The following PDE5A variants were observed in gnomAD, a reference collection of about 807,000 sequenced individuals.
PDE5A encodes cGMP-specific 3',5'-cyclic phosphodiesterase.
A neutral mutation model predicts 110.2 loss-of-function variants in PDE5A; 67 were observed. That is an observed-to-expected ratio of 0.61 (90% CI 0.50 to 0.75). PDE5A has a LOEUF of 0.75. PDE5A is among the 30% of genes least tolerant of loss of function. The pLI is 0.00. For missense variants in PDE5A, 862 were observed against 1,045.1 expected (o/e 0.82, Z 2.42); for synonymous variants, 328 against 351.2 (o/e 0.93, Z 0.74).
chr4:119,586,269 A>G (rs923808314), intron 3 of PDE5A, among the ~76,000 whole-genome samples: 3 of 152,230 alleles, frequency 2.0e-5, no homozygotes, highest in Admixed American at 6.5e-5. Flanking sequence ...AAATTTTTGT[A>G]AGATCCTCAT....
intron 3 of PDE5A, 78 bp downstream of exon 3, chr4:119,596,445 A>C (rs1729153417): frequency 2.9e-6 from 2 of 684,912 alleles, no homozygotes; most frequent in Non-Finnish European, 4.8e-6. Context: ...TTTCATATAT[A>C]TGCAAAGTAA....
At chr4:119,581,943 T>C (rs1214506391) in intron 3 of PDE5A, among the ~76,000 whole-genome samples, 7 of 152,258 alleles carry the variant, frequency 4.6e-5, no homozygotes, top group Non-Finnish European at 1.0e-4. Context: ...TATAAACTTT[T>C]TGCTGGTGAA....
intron 15 of PDE5A, among the ~76,000 whole-genome samples, chr4:119,509,041 A>G (rs2110460123): frequency 6.6e-6 from 1 of 152,190 alleles, no homozygotes; most frequent in African/African-American, 2.4e-5. Flanking sequence ...CTGAAATGAA[A>G]GTTTTAGTGG....
At chr4:119,622,141 T>TC (rs1355872236) in intron 1 of PDE5A, among the ~76,000 whole-genome samples, 1 of 149,592 alleles carries the variant, frequency 6.7e-6, no homozygotes, top group Non-Finnish European at 1.5e-5. Context: ...GCCACTGCAC[T>TC]CCAGCCTGGG....
chr4:119,569,096 C>A (rs1728049147), intron 3 of PDE5A, among the ~76,000 whole-genome samples: 1 of 150,956 alleles, frequency 6.6e-6, no homozygotes, highest in Non-Finnish European at 1.5e-5. Flanking sequence ...TACAGTGGCA[C>A]AATCACAGCT....
In PDE5A at chr4:119,528,239, ATGGCCCTCT is replaced by A. The variant is rs148231674; in HGVS notation, c.1633-2553_1633-2545del. Among the ~76,000 whole-genome samples the A allele has an allele frequency of 4.2e-3, 634 of 152,156 alleles. 4 individuals are homozygous for A. Among genetic ancestry groups the A allele is most frequent in the African/African-American group, 0.015 (618 of 41,536 alleles). Reference sequence around the variant, plus strand: ...CTTTTTATGATCCTTTTCTAATACCATGGCCCTCTTTTCACCATTCTTGCAAAAATTAAA... The same window carrying A: ...CTTTTTATGATCCTTTTCTAATACCATTTCACCATTCTTGCAAAAATTAAA... On this transcript the variant is annotated intron_variant, in intron 11 of 20. Coordinates refer to ENST00000354960, the MANE Select transcript of PDE5A (RefSeq NM_001083.4).
intron 3 of PDE5A, among the ~76,000 whole-genome samples, chr4:119,592,684 A>C (rs1454295340): frequency 1.3e-5 from 2 of 152,114 alleles, no homozygotes; most frequent in Non-Finnish European, 2.9e-5. Context: ...TCATGTTAGC[A>C]CTCAAAAAGT....
At chr4:119,625,142 C>T (rs190293379) in intron 1 of PDE5A, among the ~76,000 whole-genome samples, 309 of 151,912 alleles carry the variant, frequency 2.0e-3, no homozygotes, top group African/African-American at 7.2e-3. Context: ...GGATTACAGG[C>T]GCGCGCCATA....
chr4:119,614,814 T>C (rs1729879319), intron 1 of PDE5A, among the ~76,000 whole-genome samples: 1 of 152,170 alleles, frequency 6.6e-6, no homozygotes. Context: ...CCATGAGTCC[T>C]GGGTTCTAAT....
intron 3 of PDE5A, among the ~76,000 whole-genome samples, chr4:119,587,531 C>T (rs960518902): frequency 4.6e-5 from 7 of 152,014 alleles, no homozygotes; most frequent in African/African-American, 1.7e-4. Context: ...CTACAGGCGC[C>T]CGCCACCGCG....
chr4:119,612,724 C>T (rs1398258548), intron 1 of PDE5A, among the ~76,000 whole-genome samples: 1 of 152,210 alleles, frequency 6.6e-6, no homozygotes, highest in Non-Finnish European at 1.5e-5. Context: ...GAGGAAGAAG[C>T]CTCCACCAGA....
intron 7 of PDE5A, among the ~76,000 whole-genome samples, chr4:119,554,439 T>A (rs1727469852): frequency 6.6e-6 from 1 of 152,184 alleles, no homozygotes; most frequent in Non-Finnish European, 1.5e-5. Context: ...CATGAAAGAT[T>A]AATCTGATGC....
intron 14 of PDE5A, among the ~76,000 whole-genome samples, chr4:119,518,037 C>A (rs1185700419): frequency 3.3e-5 from 5 of 152,160 alleles, no homozygotes; most frequent in Admixed American, 3.3e-4. Context: ...AGCTTGCTAT[C>A]TTTTCCCATC....
intron 3 of PDE5A, among the ~76,000 whole-genome samples, chr4:119,567,609 A>C (rs972464265): frequency 6.6e-6 from 1 of 152,330 alleles, no homozygotes; most frequent in Admixed American, 6.5e-5. Context: ...GAAAGAATGC[A>C]GGAGGATCAT....
At chr4:119,564,356 T>G (rs1727850359) in intron 5 of PDE5A, among the ~76,000 whole-genome samples, 1 of 152,096 alleles carries the variant, frequency 6.6e-6, no homozygotes, top group Admixed American at 6.6e-5. Flanking sequence ...GAAAGTTTAC[T>G]TTACCAATGC....
intron 3 of PDE5A, among the ~76,000 whole-genome samples, chr4:119,574,640 CT>C (rs11299247): frequency 0.49 from 73,930 of 151,728 alleles, 18,221 homozygotes; most frequent in South Asian, 0.64. Context: ...AATTATAACT[CT>C]AAGAAACAAA....
chr4:119,598,678 T>C (rs1327355782), intron 2 of PDE5A, among the ~76,000 whole-genome samples: 1 of 152,070 alleles, frequency 6.6e-6, no homozygotes, highest in African/African-American at 2.4e-5. Context: ...AAAGACAACA[T>C]AAGTAATTGC....
intron 15 of PDE5A, 81 bp downstream of exon 15, chr4:119,510,966 G>C: frequency 1.1e-6 from 1 of 918,646 alleles, no homozygotes; most frequent in East Asian, 2.5e-5. Flanking sequence ...ATGATGCTGG[G>C]AATAAATCCA....
intron 20 of PDE5A, chr4:119,500,927 ATTC>A (rs1394866987): frequency 2.1e-5 from 10 of 482,520 alleles, no homozygotes; most frequent in South Asian, 8.6e-5. Context: ...CTGGCACATA[ATTC>A]TTCTTAGCAT....
Sources: gnomAD v4.1 joint callset for allele counts (sites outside exome capture counted in the v4.1 genomes callset) on GRCh38, gnomAD v4.1.1 for gene constraint, MANE v1.5 for transcripts, NCBI Gene and HGNC (gene_info 2026-07-23, HGNC 2026-07-21) for gene names.